Variants in FBXL18 observed in about 807,000 individuals in gnomAD.
FBXL18 encodes the protein F-box/LRR-repeat protein 18.
Under a neutral mutation model 46.0 loss-of-function variants are expected in FBXL18, and 36 were observed. That is an observed-to-expected ratio of 0.78 (90% confidence interval 0.60 to 1.03). The LOEUF (loss-of-function observed/expected upper bound fraction) is 1.03. FBXL18 is among the 50% of genes least tolerant of loss of function. The pLI, the probability that FBXL18 is intolerant of heterozygous loss-of-function variation, is 0.00. For synonymous variants in FBXL18, 557 were observed against 465.3 expected (o/e 1.20, Z -2.54); for missense variants, 977 against 1,004.1 (o/e 0.97, Z 0.36).
chr7:5,511,280 C>CA (rs1019092880), intron 1 of FBXL18, among the ~76,000 whole-genome samples: 4 of 151,628 alleles, frequency 2.6e-5, no homozygotes, highest in African/African-American at 9.7e-5. Flanking sequence ...ACTAAAAATA[C>CA]AAAAAAATTA....
chr7:5,467,214 G>A (rs947533217), intron 4 of FBXL18, among the ~76,000 whole-genome samples: 9 of 152,140 alleles, frequency 5.9e-5, no homozygotes, highest in South Asian at 2.1e-4. Context: ...AGCCAGGCGC[G>A]GTGGCGAGCG....
intron 4 of FBXL18, among the ~76,000 whole-genome samples, chr7:5,463,706 T>TATATATATATATATATATATATA (rs374634728): frequency 3.4e-5 from 2 of 59,462 alleles, no homozygotes; most frequent in African/African-American, 1.5e-4. Flanking sequence ...ATATATATAT[T>TATATATATATATATATATATATA]TATTTATTTA....
intron 1 of FBXL18, among the ~76,000 whole-genome samples, chr7:5,507,631 C>G (rs193188334): frequency 6.6e-6 from 1 of 151,478 alleles, no homozygotes; most frequent in Non-Finnish European, 1.5e-5. Flanking sequence ...GTCAAGAGAT[C>G]GAGACCAGCC....
At chr7:5,506,446 G>A (rs1784397978) in intron 1 of FBXL18, among the ~76,000 whole-genome samples, 1 of 150,948 alleles carries the variant, frequency 6.6e-6, no homozygotes, top group Non-Finnish European at 1.5e-5. Flanking sequence ...GTAGAGACGG[G>A]GTTTCACCAT....
Position 5,462,950 on chromosome 7 carries a change from C to CAAAAAA in FBXL18, c.2001-15113_2001-15108dup, listed in dbSNP as rs138208570. ...TGGGCGACAGAGTGAGACTTGGTCT[C>CAAAAAA]AAAAAAAAAAAAAAAAAAAATATAT... On this transcript the variant is annotated intron_variant and NMD_transcript_variant, in intron 4 of 6. Coordinates refer to the FBXL18 transcript ENST00000415009. Among the ~76,000 whole-genome samples the CAAAAAA allele has an allele frequency of 4.5e-3, 101 of 22,346 alleles. 4 individuals carry two copies. The highest frequency in any genetic ancestry group is 8.8e-3 in the African/African-American group (66 of 7,502). 14.7% of individuals were successfully genotyped at this position (22,346 alleles called of 152,430 possible).
chr7:5,499,451 G>T (rs948330140), intron 3 of FBXL18, among the ~76,000 whole-genome samples: 1 of 152,200 alleles, frequency 6.6e-6, no homozygotes, highest in African/African-American at 2.4e-5. Context: ...TGCCTTGCCA[G>T]GCGTGGTGAC....
chr7:5,471,334 T>A (rs1320998245), downstream of FBXL18, among the ~76,000 whole-genome samples: 1 of 152,166 alleles, frequency 6.6e-6, no homozygotes, highest in Non-Finnish European at 1.5e-5. Context: ...TGGAGTGCAG[T>A]GGCGCGATCT....
Position 5,477,405 on chromosome 7 carries a change from C to T in FBXL18, c.*4370G>A, listed in dbSNP as rs181531572. Among the ~76,000 whole-genome samples the T allele has an allele frequency of 2.0e-3, 302 of 152,294 alleles. No homozygotes were observed. Among genetic ancestry groups the T allele is most frequent in the Non-Finnish European group, 3.5e-3 (238 of 68,026 alleles). On this transcript the variant is annotated 3_prime_UTR_variant, in exon 5 of 5. Coordinates refer to ENST00000382368, the MANE Select transcript of FBXL18 (RefSeq NM_024963.6). The surrounding 1 kb of genome is among the most constrained non-coding windows in gnomAD (Gnocchi z 4.4). ...TCCATGAATTTCACACGTTTTCTTA[C>T]AAGAGCTCTGTAATGCGCCAGGCAC...
At position 5,496,011 on chromosome 7, in the gene FBXL18, G is replaced by A. The variant is rs534474670; in HGVS notation, c.1781+4477C>T. On this transcript the variant is annotated intron_variant, in intron 3 of 4. Transcript: ENST00000382368. This position sits in a 1 kb window ranked among gnomAD's most constrained non-coding sequence, Gnocchi z 4.8. ...CCACAGAACCCGCAGGCCTCTCCGCGCCTTCTCCATGGCCCTGCTCCTGAG... is the reference window on the plus strand; with the variant it reads ...CCACAGAACCCGCAGGCCTCTCCGCACCTTCTCCATGGCCCTGCTCCTGAG... The A allele has an allele frequency of 4.9e-5, 20 of 411,160 alleles. No individual in the cohort carries two copies. The highest frequency in any genetic ancestry group is 1.9e-4 in the Admixed American group (7 of 37,232). 25.5% of individuals were successfully genotyped at this position (411,160 alleles called of 1,614,324 possible).
At chr7:5,497,573 C>G (rs568704969) in intron 3 of FBXL18, among the ~76,000 whole-genome samples, 65 of 152,138 alleles carry the variant, frequency 4.3e-4, no homozygotes, top group Non-Finnish European at 7.8e-4. Context: ...GCTGCATGGC[C>G]GGGGGACTCC....
chr7:5,484,521 T>C lies in FBXL18; in HGVS notation c.2001-2590A>G, dbSNP rs1783726372. Among the ~76,000 whole-genome samples, 4 of 140,184 alleles carry C rather than the reference T, an allele frequency of 2.9e-5. No individual in the cohort carries two copies. In the South Asian group the frequency reaches 9.0e-4, roughly 31 times the overall value. 92.0% of individuals were successfully genotyped at this position (140,184 alleles called of 152,430 possible). A position where few individuals can be genotyped will look rare whatever the true frequency, so the allele number is the denominator to read the frequency against. ...GTCGGGACATGGAAGGTGATTTTTCTTTTTTTTTCGAGACAGGGTCTTGCT... is the reference window on the plus strand; with the variant it reads ...GTCGGGACATGGAAGGTGATTTTTCCTTTTTTTTCGAGACAGGGTCTTGCT... On this transcript the variant is annotated intron_variant, in intron 4 of 4. Coordinates refer to ENST00000382368, the MANE Select transcript of FBXL18 (RefSeq NM_024963.6).
Position 5,496,015 on chromosome 7 carries a change from T to C in FBXL18, c.1781+4473A>G, listed in dbSNP as rs185655521. On this transcript the variant is annotated intron_variant, in intron 3 of 4. Coordinates refer to ENST00000382368, the MANE Select transcript of FBXL18 (RefSeq NM_024963.6). The surrounding 1 kb of genome is among the most constrained non-coding windows in gnomAD (Gnocchi z 4.8). ...AGAACCCGCAGGCCTCTCCGCGCCTTCTCCATGGCCCTGCTCCTGAGGAAG... is the reference window on the plus strand; with the variant it reads ...AGAACCCGCAGGCCTCTCCGCGCCTCCTCCATGGCCCTGCTCCTGAGGAAG... 381 of 406,626 alleles carry C rather than the reference T, an allele frequency of 9.4e-4. 1 individual carries two copies. The highest frequency in any genetic ancestry group is 7.3e-3 in the African/African-American group (353 of 48,450). The allele number at this position is 406,626 out of a possible 1,614,324, so 25.2% of individuals were successfully genotyped here.
chr7:5,513,787 A>AGGAGCGGGCTCTCGTCAC lies in FBXL18; in HGVS notation c.-131_-114dup. ...CCACCGCTCAACCGAGACCCCGGCA[A>AGGAGCGGGCTCTCGTCAC]GGAGCGGGCTCTCGTCACTTCCGGC... is the stretch of plus-strand genomic sequence containing the variant. On this transcript the variant is annotated 5_prime_UTR_variant, in exon 1 of 5. Transcript: ENST00000382368. 1 of 1,438,682 alleles carries AGGAGCGGGCTCTCGTCAC rather than the reference A, an allele frequency of 7.0e-7. No homozygotes were observed. Among genetic ancestry groups the AGGAGCGGGCTCTCGTCAC allele is most frequent in the Non-Finnish European group, 9.4e-7 (1 of 1,066,398 alleles). 89.1% of individuals were successfully genotyped at this position (1,438,682 alleles called of 1,614,324 possible).
chr7:5,460,332 A>T (rs1025140722), intron 4 of FBXL18, among the ~76,000 whole-genome samples: 4 of 152,240 alleles, frequency 2.6e-5, no homozygotes, highest in Non-Finnish European at 5.9e-5. Context: ...TGTGAAATTT[A>T]ATATAATCAT....
rs1784083175 is a variant in FBXL18 at position 5,496,418 on chromosome 7, C to T, written c.1781+4070G>A. Reference sequence around the variant, plus strand: ...TCCCTTCCACATTCTTCTTCCTCTTCCTGGCCAATCCTTGTCACGTGTGCC... The same window carrying T: ...TCCCTTCCACATTCTTCTTCCTCTTTCTGGCCAATCCTTGTCACGTGTGCC... On this transcript the variant is annotated intron_variant, in intron 3 of 4. Transcript: ENST00000382368. This position sits in a 1 kb window ranked among gnomAD's most constrained non-coding sequence, Gnocchi z 4.8. 6.6e-6 allele frequency among the ~76,000 whole-genome samples: 1 copy of T among 152,210 alleles called. No individual in the cohort carries two copies. Among genetic ancestry groups the T allele is most frequent in the Admixed American group, 6.5e-5 (1 of 15,278 alleles).
intron 4 of FBXL18, among the ~76,000 whole-genome samples, chr7:5,458,313 C>T (rs754525810): frequency 5.3e-5 from 8 of 152,160 alleles, no homozygotes; most frequent in Non-Finnish European, 1.2e-4. Flanking sequence ...GCCTGTAATC[C>T]CAGCATTTTG....
chr7:5,499,266 T>C (rs1210612887), intron 3 of FBXL18, among the ~76,000 whole-genome samples: 1 of 152,134 alleles, frequency 6.6e-6, no homozygotes, highest in Non-Finnish European at 1.5e-5. Flanking sequence ...TCGGCACTGT[T>C]GCCCACCTTC....
Position 5,491,255 on chromosome 7 carries a change from C to A in FBXL18, c.1976G>T (p.Ser659Ile). The A allele has an allele frequency of 6.2e-7, 1 of 1,612,922 alleles. No individual in the cohort carries two copies. The change falls in exon 4 of 5, where the codon AGC becomes ATC. Residue 659 changes from serine (S) to isoleucine (I), a missense_variant. Physicochemically the swap from Ser to Ile is moderately radical, Grantham distance 142 (BLOSUM62 -2). Coordinates refer to ENST00000382368, the MANE Select transcript of FBXL18 (RefSeq NM_024963.6). ...FTGESLATCK[S>I]LQQSLLRSFQ... is the part of the protein sequence containing the mutation. ...CCTGCGGAGAAGCGACTGCTGCAGG[C>A]TCTTGCAGGTGGCGAGGGACTCCCC... is the stretch of plus-strand genomic sequence containing the variant.
At chr7:5,458,470 C>T (rs1444822464) in intron 4 of FBXL18, among the ~76,000 whole-genome samples, 2 of 151,882 alleles carry the variant, frequency 1.3e-5, no homozygotes, top group Admixed American at 6.6e-5. Context: ...GAGGCTGCGG[C>T]GGGCGGATCA....
Sources: gnomAD v4.1 joint callset for allele counts (sites outside exome capture counted in the v4.1 genomes callset) on GRCh38, gnomAD v4.1.1 for gene constraint, Gnocchi (gnomAD v3.1) non-coding constraint, MANE v1.5 for transcripts, NCBI Gene and HGNC (gene_info 2026-07-23, HGNC 2026-07-21) for gene names.